ADGRA3: variants seen among roughly 807,000 people sequenced by gnomAD.
The protein encoded by ADGRA3 is G-protein coupled receptor 125.
A neutral mutation model predicts 119.8 loss-of-function variants in ADGRA3; 56 were observed. The ratio of observed to expected loss-of-function variants is 0.47; its 90% CI spans 0.38 to 0.58. ADGRA3 has a LOEUF of 0.58. ADGRA3 is among the 20% of genes least tolerant of loss of function. The pLI, the probability that ADGRA3 is intolerant of heterozygous loss-of-function variation, is 0.00. For synonymous variants in ADGRA3, 607 were observed against 623.8 expected, an observed-to-expected ratio of 0.97 and a Z score of 0.40; for missense variants, 1,516 against 1,649.0, an observed-to-expected ratio of 0.92 and a Z score of 1.40.
intron 14 of ADGRA3, among the ~76,000 whole-genome samples, chr4:22,410,854 AGAAAAG>A (rs1715161587): frequency 6.6e-6 from 1 of 152,180 alleles, no homozygotes; most frequent in Non-Finnish European, 1.5e-5. Context: ...ATTACATTTA[AGAAAAG>A]GAAAAAGTCT....
In ADGRA3 at chr4:22,413,372, G is replaced by A. The variant is rs747821711; in HGVS notation, c.2042C>T (p.Thr681Ile). The A allele has an allele frequency of 4.3e-6, 7 of 1,613,296 alleles. No homozygotes were observed. ...TGTCACATTAACAGGGATGTGGTGG[G>A]TATCTACATTCACACCATCTGGAGA... The part of the protein sequence containing the change: ...LTKIDGVNVD[T>I]HHIPVNVTLR... The change falls in exon 14 of 19, where the codon ACC becomes ATC. Residue 681 changes from threonine (T) to isoleucine (I), a missense_variant. Thr to Ile is a moderately conservative substitution (Grantham distance 89, BLOSUM62 -1). This residue lies in a region of ADGRA3 where 1,088 missense variants were observed against 1,107.1 expected (regional missense o/e 0.98). Coordinates refer to ENST00000334304, the MANE Select transcript of ADGRA3 (RefSeq NM_145290.4).
chr4:22,483,253 T>C (rs1342424208), intron 1 of ADGRA3, among the ~76,000 whole-genome samples: 3 of 152,160 alleles, frequency 2.0e-5, no homozygotes, highest in Non-Finnish European at 4.4e-5. Flanking sequence ...TGGCATGTGC[T>C]TCCCTCTGGC....
intron 3 of ADGRA3, among the ~76,000 whole-genome samples, chr4:22,456,319 A>T (rs532987190): frequency 1.3e-5 from 2 of 152,102 alleles, no homozygotes; most frequent in South Asian, 4.2e-4. Context: ...TCCAGGGGAG[A>T]TTGGTGCGGG....
chr4:22,499,956 T>C (rs1446134799), intron 1 of ADGRA3, among the ~76,000 whole-genome samples: 1 of 152,182 alleles, frequency 6.6e-6, no homozygotes, highest in Non-Finnish European at 1.5e-5. Flanking sequence ...ATTTGGAATA[T>C]TTGCATTATA....
chr4:22,502,766 T>A (rs1396266854), intron 1 of ADGRA3, among the ~76,000 whole-genome samples: 9 of 151,898 alleles, frequency 5.9e-5, no homozygotes, highest in African/African-American at 2.2e-4. Context: ...TACTATCAGA[T>A]GAAGAGTGGG....
chr4:22,435,494 C>G (rs766435511), intron 9 of ADGRA3, 28 bp from the exon 10 acceptor site: 17 of 1,557,710 alleles, frequency 1.1e-5, no homozygotes, highest in Non-Finnish European at 1.5e-5. Flanking sequence ...AAATGATCAA[C>G]AAAACAGTCA....
At position 22,472,183 on chromosome 4, in the gene ADGRA3, G is replaced by T. The variant is rs539963979; in HGVS notation, c.329+1589C>A. On this transcript the variant is annotated intron_variant, in intron 2 of 18. Coordinates refer to ENST00000334304, the MANE Select transcript of ADGRA3 (RefSeq NM_145290.4). ...ATTATCAACTAAGCACATACTAAAT[G>T]CCTGACACTGTGTTATATGCAAATG... Among the ~76,000 whole-genome samples, 6 of 152,298 alleles carry T rather than the reference G, an allele frequency of 3.9e-5. No individual in the cohort carries two copies. In the South Asian group the frequency reaches 1.2e-3, roughly 32 times the overall value.
At chr4:22,413,557 C>T (rs1242542564) in intron 13 of ADGRA3, 44 bp downstream of exon 13, 3 of 1,546,918 alleles carry the variant, frequency 1.9e-6, no homozygotes, top group Non-Finnish European at 2.7e-6. Context: ...ACTACAAGGC[C>T]TTATTGTCCA....
At chr4:22,420,808 T>TTA (rs1715633204) in intron 12 of ADGRA3, 78 bp downstream of exon 12, 2 of 1,392,702 alleles carry the variant, frequency 1.4e-6, no homozygotes, top group South Asian at 2.4e-5. Context: ...TTTAATAAGG[T>TTA]TATTTTGCGA....
rs777083554 is a variant in ADGRA3, at chr4:22,424,266, G to A, written c.1530C>T (p.Ala510=). 1 of 1,613,782 alleles carries A rather than the reference G, an allele frequency of 6.2e-7. No homozygotes were observed. The highest frequency in any genetic ancestry group is 1.7e-5 in the Admixed American group (1 of 60,026). Residue 510 remains alanine, a synonymous_variant, in exon 11 of 19, where the codon GCC becomes GCT. Transcript: ENST00000334304. ...GAAGACACTGCACAATCCTACTGCA[G>A]GCTTTAGCTTCCCTCTGCGCCAGCC... ...VLWLAQREAK[A]CSRIVQCLQR...
intron 1 of ADGRA3, among the ~76,000 whole-genome samples, chr4:22,514,967 A>G (rs2109195645): frequency 6.6e-6 from 1 of 152,340 alleles, no homozygotes; most frequent in South Asian, 2.1e-4. Context: ...TTGATCTGAA[A>G]TGTTTCCAGC....
At position 22,387,720 on chromosome 4, in the gene ADGRA3, G is replaced by C. The variant is rs751531670; in HGVS notation, c.3951C>G (p.His1317Gln). The change falls in exon 19 of 19, where the codon CAC becomes CAG. Residue 1317 changes from histidine to glutamine, a missense_variant. Transcript: ENST00000334304. ...CCCAGCAATGTTACACAGTAGTTTC[G>C]TGTTTCCATAATCCAGTCCTAACAT... ...TGNVRTGLWK[H>Q]ETTV 5.0e-6 allele frequency: 8 copies of C among 1,604,420 alleles called. No individual in the cohort carries two copies. The Middle Eastern group carries it at 5.0e-4, about 101-fold the overall frequency.
intron 10 of ADGRA3, among the ~76,000 whole-genome samples, chr4:22,434,213 G>A (rs1187775419): frequency 6.8e-6 from 1 of 147,338 alleles, no homozygotes; most frequent in South Asian, 2.1e-4. Flanking sequence ...TAATATATTA[G>A]AATATATATG....
intron 1 of ADGRA3, among the ~76,000 whole-genome samples, chr4:22,487,291 G>C (rs551605616): frequency 1.3e-5 from 2 of 152,328 alleles, no homozygotes; most frequent in South Asian, 4.1e-4. Flanking sequence ...CCAGGAATTG[G>C]TTTCACAGAA....
intron 4 of ADGRA3, among the ~76,000 whole-genome samples, chr4:22,454,581 T>G (rs1168644637): frequency 6.6e-6 from 1 of 152,186 alleles, no homozygotes; most frequent in African/African-American, 2.4e-5. Flanking sequence ...AAGCTTTTGA[T>G]CATACTGCTC....
intron 1 of ADGRA3, among the ~76,000 whole-genome samples, chr4:22,503,297 C>T (rs183446061): frequency 3.6e-3 from 552 of 152,336 alleles, no homozygotes; most frequent in Non-Finnish European, 6.0e-3. Context: ...CCATCTTAAA[C>T]ACTGCCCTGG....
intron 16 of ADGRA3, among the ~76,000 whole-genome samples, chr4:22,397,465 G>A (rs1010511222): frequency 1.3e-5 from 2 of 152,172 alleles, no homozygotes; most frequent in Non-Finnish European, 1.5e-5. Flanking sequence ...TAATTCTTAT[G>A]CTTGTAGAGC....
intron 3 of ADGRA3, among the ~76,000 whole-genome samples, chr4:22,458,937 G>A (rs945328810): frequency 6.6e-6 from 1 of 152,140 alleles, no homozygotes; most frequent in African/African-American, 2.4e-5. Flanking sequence ...AAACACAGGA[G>A]ACCACCACTC....
intron 14 of ADGRA3, among the ~76,000 whole-genome samples, chr4:22,407,064 G>T (rs1197810122): frequency 6.6e-6 from 1 of 152,166 alleles, no homozygotes; most frequent in Non-Finnish European, 1.5e-5. Context: ...AAGGTCAGGA[G>T]ATCGAGACCA....
Sources: gnomAD v4.1 joint callset for allele counts (sites outside exome capture counted in the v4.1 genomes callset) on GRCh38, gnomAD v4.1.1 for gene constraint, gnomAD v4.1.1 regional missense constraint, MANE v1.5 for transcripts, NCBI Gene and HGNC (gene_info 2026-07-23, HGNC 2026-07-21) for gene names.